The following OR56A3 variants were observed in gnomAD, a reference collection of about 807,000 sequenced individuals.
OR56A3 encodes olfactory receptor family 56 subfamily A member 3, also known as olfactory receptor 56A3.
Under a neutral mutation model 17.5 loss-of-function variants are expected in OR56A3, and 23 were observed. The observed-to-expected ratio is 1.32, with a 90% CI of 0.95 to 1.87. The LOEUF (loss-of-function observed/expected upper bound fraction) is 1.87. Ranked by LOEUF, OR56A3 falls within the 40% of genes most tolerant of loss-of-function variation. The pLI is 0.00. For missense variants in OR56A3, 366 were observed against 380.1 expected (o/e 0.96, Z 0.31); for synonymous variants, 175 against 150.6 (o/e 1.16, Z -1.19).
At chr11:5,993,134 G>T in the OR56A3 span, among the ~76,000 whole-genome samples, 10,601 of 152,014 alleles carry the variant, frequency 0.07, 1,205 homozygotes, top group African/African-American at 0.24. Context: ...AAGGGACCTT[G>T]GTATTTTCAA....
chr11:5,960,688 A>G, the OR56A3 span, among the ~76,000 whole-genome samples: 2 of 151,550 alleles, frequency 1.3e-5, no homozygotes, highest in Non-Finnish European at 2.9e-5. Flanking sequence ...CACCCCGTCT[A>G]GGAAGTGAGG....
At chr11:6,018,548 G>C in the OR56A3 span, among the ~76,000 whole-genome samples, 1 of 152,070 alleles carries the variant, frequency 6.6e-6, no homozygotes, top group African/African-American at 2.4e-5. Flanking sequence ...AGCAAAAGCA[G>C]TGCTAGGAGA....
At chr11:5,945,989 T>C (rs907630985) in intron 2 of OR56A3, among the ~76,000 whole-genome samples, 1 of 152,218 alleles carries the variant, frequency 6.6e-6, no homozygotes, top group Non-Finnish European at 1.5e-5. Context: ...AAATAACATC[T>C]GAACAGAAAC....
At chr11:5,964,631 T>C in the OR56A3 span, among the ~76,000 whole-genome samples, 1 of 152,170 alleles carries the variant, frequency 6.6e-6, no homozygotes, top group Non-Finnish European at 1.5e-5. Context: ...CATGTAGTTA[T>C]GGGTTATTTG....
At chr11:5,952,657 A>G (rs966532964), downstream of OR56A3, among the ~76,000 whole-genome samples, 5 of 152,262 alleles carry the variant, frequency 3.3e-5, no homozygotes, top group African/African-American at 1.2e-4. Context: ...TAAATAAGTA[A>G]TAAAAATAGG....
the OR56A3 span, among the ~76,000 whole-genome samples, chr11:5,990,509 C>T: frequency 6.6e-6 from 1 of 152,192 alleles, no homozygotes. Context: ...CCCTAGTAAT[C>T]ACTCTGCACT....
chr11:5,997,433 C>A, the OR56A3 span, among the ~76,000 whole-genome samples: 81 of 152,294 alleles, frequency 5.3e-4, no homozygotes, highest in Non-Finnish European at 1.0e-3. Context: ...AGACCTACCC[C>A]CTCTGAGGTT....
chr11:5,975,866 C>T, the OR56A3 span, among the ~76,000 whole-genome samples: 1 of 151,874 alleles, frequency 6.6e-6, no homozygotes, highest in Non-Finnish European at 1.5e-5. Flanking sequence ...CTCTCCAGCA[C>T]CTGTTGTTTC....
At chr11:5,995,039 C>A in the OR56A3 span, 2 of 634,724 alleles carry the variant, frequency 3.2e-6, no homozygotes, top group African/African-American at 3.7e-5. Context: ...GAACCTGAGG[C>A]CCCGGCGCCT....
chr11:5,960,399 G>A, the OR56A3 span, among the ~76,000 whole-genome samples: 42 of 152,286 alleles, frequency 2.8e-4, no homozygotes, highest in Non-Finnish European at 5.3e-4. Flanking sequence ...GCCTGGGATT[G>A]CAGGCGCGCA....
At chr11:5,990,584 T>C in the OR56A3 span, among the ~76,000 whole-genome samples, 2 of 152,120 alleles carry the variant, frequency 1.3e-5, no homozygotes, top group Non-Finnish European at 2.9e-5. Flanking sequence ...TCAATCTCCT[T>C]CTTAACAGTG....
the OR56A3 span, chr11:6,021,623 T>C: frequency 6.6e-6 from 1 of 152,050 alleles, no homozygotes; most frequent in Admixed American, 6.6e-5. Context: ...AGAAGTCACA[T>C]TGTTCGATGC....
the OR56A3 span, among the ~76,000 whole-genome samples, chr11:6,004,029 G>A: frequency 6.6e-6 from 1 of 152,160 alleles, no homozygotes; most frequent in African/African-American, 2.4e-5. Context: ...ATACTAAGAA[G>A]GGTAACAGCA....
At chr11:5,978,524 G>C in the OR56A3 span, among the ~76,000 whole-genome samples, 1 of 151,764 alleles carries the variant, frequency 6.6e-6, no homozygotes, top group African/African-American at 2.4e-5. Flanking sequence ...GGATAGTATT[G>C]GTGTGTATAG....
chr11:5,957,992 C>A, the OR56A3 span, among the ~76,000 whole-genome samples: 2 of 151,960 alleles, frequency 1.3e-5, no homozygotes, highest in Non-Finnish European at 2.9e-5. Context: ...TTGTGTGTTT[C>A]AAGAGAAATT....
the OR56A3 span, among the ~76,000 whole-genome samples, chr11:5,974,941 T>A: frequency 4.6e-5 from 7 of 152,250 alleles, no homozygotes; most frequent in African/African-American, 1.4e-4. Flanking sequence ...ATGAAACTGA[T>A]TGATTTCTTT....
At chr11:5,991,710 C>G in the OR56A3 span, among the ~76,000 whole-genome samples, 1 of 152,198 alleles carries the variant, frequency 6.6e-6, no homozygotes, top group African/African-American at 2.4e-5. Context: ...AAACTGACCT[C>G]ATTTTCCACT....
the OR56A3 span, chr11:6,002,850 A>T: frequency 3.1e-6 from 5 of 1,613,974 alleles, no homozygotes; most frequent in East Asian, 2.2e-5. Flanking sequence ...GGTGATCAGG[A>T]GGGTGGTGTT....
At chr11:5,954,464 G>A (rs1332617811), downstream of OR56A3, among the ~76,000 whole-genome samples, 1 of 152,122 alleles carries the variant, frequency 6.6e-6, no homozygotes, top group Non-Finnish European at 1.5e-5. Context: ...TGTGAAAATA[G>A]AGCTGGAATT....
Sources: allele counts gnomAD v4.1 joint callset (sites outside exome capture counted in the v4.1 genomes callset), GRCh38; gene constraint gnomAD v4.1.1; transcripts MANE v1.5; gene names NCBI Gene and HGNC (gene_info 2026-07-23, HGNC 2026-07-21).